The following DNAJC1 variants were observed in gnomAD, a reference collection of about 807,000 sequenced individuals.
DNAJC1 encodes DnaJ heat shock protein family (Hsp40) member C1.
Under a neutral mutation model 76.6 loss-of-function variants are expected in DNAJC1, and 58 were observed. The ratio of observed to expected loss-of-function variants is 0.76; its 90% confidence interval spans 0.61 to 0.94. DNAJC1 has a LOEUF of 0.94. Ranked by LOEUF, DNAJC1 falls within the 40% of genes least tolerant of loss-of-function variation. The pLI is 0.00. For synonymous variants in DNAJC1, 258 were observed against 267.9 expected, an observed-to-expected ratio of 0.96 and a Z score of 0.36; for missense variants, 689 against 677.3, an observed-to-expected ratio of 1.02 and a Z score of -0.19.
At chr10:21,762,625 C>T (rs531868420) in intron 10 of DNAJC1, among the ~76,000 whole-genome samples, 1 of 152,278 alleles carries the variant, frequency 6.6e-6, no homozygotes, top group Admixed American at 6.5e-5. Context: ...ACTTATTTAT[C>T]TGAGATGGGG....
At chr10:21,840,154 G>A (rs944516137) in intron 8 of DNAJC1, among the ~76,000 whole-genome samples, 2 of 152,142 alleles carry the variant, frequency 1.3e-5, no homozygotes, top group Non-Finnish European at 2.9e-5. Flanking sequence ...CATACCGAAT[G>A]GGCAAAAACT....
rs559534505 is a variant in DNAJC1 at position 21,867,636 on chromosome 10, C to G, written c.978+14646G>C. ...CCTGAAAACCCAGGAGTAGATCAAG[C>G]TGGCTAAGACCAACTGGTTCCCACA... On this transcript the variant is annotated intron_variant, in intron 8 of 11. Transcript: ENST00000376980. Among the ~76,000 whole-genome samples the G allele has an allele frequency of 2.6e-5, 4 of 152,270 alleles. No homozygotes were observed. The South Asian group carries it at 8.3e-4, about 32-fold the overall frequency.
At chr10:21,949,876 C>T (rs1042638383) in intron 1 of DNAJC1, among the ~76,000 whole-genome samples, 1 of 151,902 alleles carries the variant, frequency 6.6e-6, no homozygotes, top group East Asian at 1.9e-4. Flanking sequence ...TGTCATTTTG[C>T]GTGATGACCA....
intron 1 of DNAJC1, among the ~76,000 whole-genome samples, chr10:21,986,278 A>G (rs1226545468): frequency 1.3e-5 from 2 of 152,218 alleles, no homozygotes; most frequent in African/African-American, 2.4e-5. Flanking sequence ...CCATCGATGC[A>G]TAAGTATTCC....
intron 10 of DNAJC1, among the ~76,000 whole-genome samples, chr10:21,764,907 G>A (rs1834279663): frequency 6.6e-6 from 1 of 152,034 alleles, no homozygotes. Context: ...AGCTGCTTCT[G>A]GTGCCTTCTC....
At chr10:21,987,597 T>C (rs943700775) in intron 1 of DNAJC1, among the ~76,000 whole-genome samples, 4 of 152,212 alleles carry the variant, frequency 2.6e-5, no homozygotes, top group Non-Finnish European at 5.9e-5. Flanking sequence ...ATCTACTTCA[T>C]TTAACCCAGG....
chr10:21,791,749 A>C (rs1446327509), intron 9 of DNAJC1, among the ~76,000 whole-genome samples: 1 of 152,214 alleles, frequency 6.6e-6, no homozygotes, highest in African/African-American at 2.4e-5. Flanking sequence ...GCAATATTAG[A>C]GGCAAGATTA....
At chr10:21,785,117 G>T (rs1834588346) in intron 9 of DNAJC1, among the ~76,000 whole-genome samples, 1 of 152,090 alleles carries the variant, frequency 6.6e-6, no homozygotes, top group Non-Finnish European at 1.5e-5. Context: ...AATCAATAGT[G>T]GCCAAAGCAA....
At chr10:21,883,304 C>T (rs1283967015) in intron 7 of DNAJC1, among the ~76,000 whole-genome samples, 1 of 121,632 alleles carries the variant, frequency 8.2e-6, no homozygotes, top group Non-Finnish European at 1.8e-5. Context: ...ACCATTTTAA[C>T]TGGAGACTTG....
Position 21,920,858 on chromosome 10 carries a change from GAA to G in DNAJC1, c.475_476del (p.Phe159HisfsTer22). 1 of 1,613,018 alleles carries G rather than the reference GAA, an allele frequency of 6.2e-7. No homozygotes were observed. Among genetic ancestry groups the G allele is most frequent in the Non-Finnish European group, 8.5e-7 (1 of 1,179,304 alleles). On this transcript the variant is annotated frameshift_variant, in exon 4 of 12. Transcript: ENST00000376980. LOFTEE classifies it high-confidence loss of function. ...MSNAELALLL[F>X]IILTVGHYAV... ...CATAATGACCCACTGTGAGAATAAT[GAA>G]CAAGAGTAATGCCAGCTCAGCATTG...
intron 1 of DNAJC1, among the ~76,000 whole-genome samples, chr10:21,934,889 G>C (rs1410996608): frequency 1.3e-5 from 2 of 152,100 alleles, no homozygotes; most frequent in Non-Finnish European, 2.9e-5. Context: ...TAGTTGACCA[G>C]AGATTCTAAG....
intron 8 of DNAJC1, among the ~76,000 whole-genome samples, chr10:21,831,110 G>C (rs1835350565): frequency 6.6e-6 from 1 of 152,176 alleles, no homozygotes; most frequent in Admixed American, 6.5e-5. Context: ...GGGTGGGGTA[G>C]TGGGGGTGGT....
chr10:21,816,542 TC>T (rs1339975292), intron 8 of DNAJC1, among the ~76,000 whole-genome samples: 4,193 of 144,480 alleles, frequency 0.029, 109 homozygotes, highest in Middle Eastern at 0.062. Flanking sequence ...ACTGTCTCTC[TC>T]TCTTTTTTTT....
chr10:21,826,253 G>A (rs11498368), intron 8 of DNAJC1, among the ~76,000 whole-genome samples: 1,159 of 49,540 alleles, frequency 0.023, 13 homozygotes, highest in African/African-American at 0.079. Context: ...AAAAAAAGAA[G>A]AAGAGGAGAC....
At chr10:21,774,888 A>G (rs1168567561) in intron 9 of DNAJC1, among the ~76,000 whole-genome samples, 1 of 152,222 alleles carries the variant, frequency 6.6e-6, no homozygotes, top group Non-Finnish European at 1.5e-5. Context: ...AGAATCATTC[A>G]CCTAGCACTG....
Position 21,759,211 on chromosome 10 carries a change from G to A in DNAJC1, c.1555C>T (p.Arg519Cys), listed in dbSNP as rs17852856. The A allele has an allele frequency of 2.6e-5, 42 of 1,614,136 alleles. No individual in the cohort carries two copies. The highest frequency in any genetic ancestry group is 3.2e-5 in the Non-Finnish European group (38 of 1,180,024). Residue 519 changes from arginine (R) to cysteine (C), a missense_variant, in exon 11 of 12, where the codon CGC becomes TGC. Arg to Cys is a radical substitution (Grantham distance 180). Coordinates refer to ENST00000376980, the MANE Select transcript of DNAJC1 (RefSeq NM_022365.4). ...ACACATCTGGCTATTTTGTCCCAGC[G>A]GTCAGAGGATCCCCTTGGGTACTGC... ...LQQYPRGSSD[R>C]WDKIARCVPS...
At chr10:21,855,634 G>C (rs1290990773) in intron 8 of DNAJC1, among the ~76,000 whole-genome samples, 1 of 152,116 alleles carries the variant, frequency 6.6e-6, no homozygotes, top group African/African-American at 2.4e-5. Flanking sequence ...TACCACTGGA[G>C]ACTTCAGCTG....
chr10:21,964,344 A>T (rs1837851207), intron 1 of DNAJC1, among the ~76,000 whole-genome samples: 1 of 152,042 alleles, frequency 6.6e-6, no homozygotes, highest in Admixed American at 6.6e-5. Context: ...CCTCCCCAGT[A>T]GCTGGGGCTA....
chr10:21,767,114 T>C (rs1450782637), intron 9 of DNAJC1, among the ~76,000 whole-genome samples: 1 of 152,192 alleles, frequency 6.6e-6, no homozygotes, highest in Non-Finnish European at 1.5e-5. Flanking sequence ...AAATGACATT[T>C]ATGCTAATAG....
Sources: gnomAD v4.1 joint callset for allele counts (sites outside exome capture counted in the v4.1 genomes callset) on GRCh38, gnomAD v4.1.1 for gene constraint, MANE v1.5 for transcripts, NCBI Gene and HGNC (gene_info 2026-07-23, HGNC 2026-07-21) for gene names.